Variants in ZNF695 observed in about 807,000 individuals in gnomAD.
The protein encoded by ZNF695 is zinc finger protein 695.
In ZNF695, 11 loss-of-function variants were observed where a neutral mutation model predicts 11.2. The ratio of observed to expected loss-of-function variants is 0.98; its 90% confidence interval spans 0.62 to 1.62. ZNF695 has a LOEUF of 1.62. Among genes scored for constraint, ZNF695 ranks in the 40% most tolerant of loss-of-function variants. ZNF695 has a pLI of 0.00. For missense variants in ZNF695, 559 were observed against 590.5 expected (o/e 0.95, Z 0.55); for synonymous variants, 190 against 201.4 (o/e 0.94, Z 0.48).
At chr1:246,962,756 G>A (rs1313424542) in intron 5 of ZNF695, among the ~76,000 whole-genome samples, 2 of 151,032 alleles carry the variant, frequency 1.3e-5, no homozygotes, top group Non-Finnish European at 1.5e-5. Flanking sequence ...ACAGTGGCAC[G>A]ATCTCAGCTC....
chr1:246,946,232 T>C (rs1361539542), intron 5 of ZNF695, among the ~76,000 whole-genome samples: 1 of 152,176 alleles, frequency 6.6e-6, no homozygotes, highest in East Asian at 1.9e-4. Flanking sequence ...CTTTCTGATT[T>C]TTCTTGAGTC....
At chr1:246,957,695 G>T (rs765854072) in intron 5 of ZNF695, among the ~76,000 whole-genome samples, 1 of 152,122 alleles carries the variant, frequency 6.6e-6, no homozygotes, top group African/African-American at 2.4e-5. Context: ...GAGTGCAGTG[G>T]CATGATCTTA....
intron 1 of ZNF695, among the ~76,000 whole-genome samples, chr1:247,001,396 T>C (rs1279043413): frequency 6.6e-6 from 1 of 150,566 alleles, no homozygotes; most frequent in African/African-American, 2.4e-5. Context: ...ACCCTGTCTC[T>C]GTTTTAAAAA....
At chr1:246,972,301 C>T (rs575881406) in intron 4 of ZNF695, among the ~76,000 whole-genome samples, 2 of 152,312 alleles carry the variant, frequency 1.3e-5, no homozygotes, top group East Asian at 1.9e-4. Context: ...CTACCCAAAC[C>T]GGTGGCTGTC....
chr1:246,976,699 C>G (rs943505905), intron 4 of ZNF695, among the ~76,000 whole-genome samples: 3 of 151,988 alleles, frequency 2.0e-5, no homozygotes, highest in East Asian at 3.9e-4. Flanking sequence ...GAGGCTGAGG[C>G]AGAAGAATGG....
At chr1:246,964,505 A>G (rs1668239265) in intron 5 of ZNF695, among the ~76,000 whole-genome samples, 1 of 152,242 alleles carries the variant, frequency 6.6e-6, no homozygotes, top group East Asian at 1.9e-4. Flanking sequence ...GGTTTTAGGA[A>G]CTCTATGCCA....
chr1:246,979,614 A>C (rs1668653036), intron 4 of ZNF695, among the ~76,000 whole-genome samples: 1 of 152,172 alleles, frequency 6.6e-6, no homozygotes, highest in Admixed American at 6.5e-5. Context: ...GCTAGGTGAA[A>C]TTATCTAAAT....
rs1284823009 is a variant in ZNF695, at chr1:246,987,303, C to T, written c.1212G>A (p.Gly404=). ...YLIQHKRIHT[G]QKPYKCEECG... is the part of the protein sequence containing the mutation. ...ATTCCTCACATTTGTAGGGTTTCTG[C>T]CCAGTATGAATTCTCTTATGCTGAA... The change falls in exon 4 of 4, where the codon GGG becomes GGA. Residue 404 remains glycine, a synonymous_variant. Coordinates refer to ENST00000339986, the MANE Select transcript of ZNF695 (RefSeq NM_020394.5). 5.6e-6 allele frequency: 9 copies of T among 1,601,880 alleles called. No individual in the cohort carries two copies. The highest frequency in any genetic ancestry group is 7.7e-6 in the Non-Finnish European group (9 of 1,175,932).
intron 4 of ZNF695, among the ~76,000 whole-genome samples, chr1:246,975,763 A>G (rs1668541758): frequency 6.6e-6 from 1 of 152,228 alleles, no homozygotes; most frequent in Non-Finnish European, 1.5e-5. Context: ...CAGTATCAAG[A>G]AAATGATTTA....
At chr1:246,965,603 C>T (rs560589018) in intron 5 of ZNF695, among the ~76,000 whole-genome samples, 2 of 150,700 alleles carry the variant, frequency 1.3e-5, no homozygotes, top group African/African-American at 2.4e-5. Flanking sequence ...CAGGTGTGGT[C>T]GTGTGTGCCT....
downstream of ZNF695, among the ~76,000 whole-genome samples, chr1:246,983,166 T>C (rs544503288): frequency 6.6e-4 from 98 of 148,966 alleles, 2 homozygotes; most frequent in South Asian, 0.02. Flanking sequence ...ATCGCGCCAC[T>C]ACACTCCAGC....
At chr1:246,999,527 C>A in intron 2 of ZNF695, 87 bp from the exon 3 acceptor site, 2 of 1,008,176 alleles carry the variant, frequency 2.0e-6, no homozygotes, top group Admixed American at 2.4e-5. Context: ...GAAAACATCA[C>A]ATTAGATCCT....
At chr1:246,996,847 T>C (rs576323005) in intron 3 of ZNF695, among the ~76,000 whole-genome samples, 29 of 152,296 alleles carry the variant, frequency 1.9e-4, no homozygotes, top group African/African-American at 6.7e-4. Context: ...AGAATGGTGT[T>C]TCTAAAGGGC....
intron 5 of ZNF695, among the ~76,000 whole-genome samples, chr1:246,962,719 G>T (rs1482011576): frequency 6.7e-6 from 1 of 150,294 alleles, no homozygotes; most frequent in Admixed American, 6.6e-5. Flanking sequence ...TTGAGACGGA[G>T]TCTCGCTCTG....
intron 3 of ZNF695, among the ~76,000 whole-genome samples, chr1:246,992,596 C>G (rs1238129814): frequency 6.6e-6 from 1 of 152,178 alleles, no homozygotes; most frequent in African/African-American, 2.4e-5. Context: ...GGAATGGACA[C>G]CCCATTTTCC....
At chr1:246,990,268 G>A (rs943882303) in intron 3 of ZNF695, among the ~76,000 whole-genome samples, 2 of 151,972 alleles carry the variant, frequency 1.3e-5, no homozygotes, top group African/African-American at 4.8e-5. Context: ...GAATGGAAAA[G>A]GAAATTCCAT....
chr1:246,967,430 T>G (rs907043379), intron 5 of ZNF695: 7 of 456,148 alleles, frequency 1.5e-5, no homozygotes, highest in African/African-American at 4.0e-5. Context: ...GGATATAGCT[T>G]AAAGGTCAGA....
Position 247,007,993 on chromosome 1 carries a change from A to G in ZNF695, c.-85T>C. On this transcript the variant is annotated 5_prime_UTR_variant, in exon 1 of 4. Transcript: ENST00000339986. ...CAGGGCGATGGAGCCTGCGGCAGTC[A>G]CCCGGGACTCTCCGAGAGGCAGCAG... The G allele has an allele frequency of 2.2e-6, 3 of 1,380,744 alleles. No homozygotes were observed. Among genetic ancestry groups the G allele is most frequent in the Non-Finnish European group, 2.9e-6 (3 of 1,049,112 alleles). 85.5% of individuals were successfully genotyped at this position (1,380,744 alleles called of 1,614,324 possible).
chr1:246,962,648 T>A (rs1421038388), intron 5 of ZNF695, among the ~76,000 whole-genome samples: 1 of 151,852 alleles, frequency 6.6e-6, no homozygotes, highest in Admixed American at 6.6e-5. Flanking sequence ...ATTACTAACA[T>A]CAGATTTCAT....
Sources: gnomAD v4.1 joint callset for allele counts (sites outside exome capture counted in the v4.1 genomes callset) on GRCh38, gnomAD v4.1.1 for gene constraint, MANE v1.5 for transcripts, NCBI Gene and HGNC (gene_info 2026-07-23, HGNC 2026-07-21) for gene names.